The following ADAMTSL1 variants were observed in gnomAD, a reference collection of about 807,000 sequenced individuals.
ADAMTSL1 encodes ADAMTS-like protein 1.
A neutral mutation model predicts 201.8 loss-of-function variants in ADAMTSL1; 126 were observed. The ratio of observed to expected loss-of-function variants is 0.62; its 90% CI spans 0.54 to 0.72. ADAMTSL1 has a LOEUF of 0.72. Among genes scored for constraint, ADAMTSL1 ranks in the 30% least tolerant of loss-of-function variants. The pLI is 0.00. For missense variants in ADAMTSL1, 2,679 were observed against 2,277.8 expected, an observed-to-expected ratio of 1.18 and a Z score of -3.59; for synonymous variants, 1,121 against 903.4, an observed-to-expected ratio of 1.24 and a Z score of -4.32.
intron 1 of ADAMTSL1, among the ~76,000 whole-genome samples, chr9:18,114,805 C>T (rs1024653512): frequency 6.6e-6 from 1 of 152,140 alleles, no homozygotes; most frequent in African/African-American, 2.4e-5. Flanking sequence ...AAAAGCACGT[C>T]TAAAGACAGT....
At chr9:17,913,533 G>A (rs1825971849) in intron 1 of ADAMTSL1, among the ~76,000 whole-genome samples, 1 of 152,084 alleles carries the variant, frequency 6.6e-6, no homozygotes, top group African/African-American at 2.4e-5. Context: ...TGTGTAGAGG[G>A]AAATTTATAG....
At chr9:18,750,990 G>GATAA (rs1564202761) in intron 15 of ADAMTSL1, among the ~76,000 whole-genome samples, 1 of 152,150 alleles carries the variant, frequency 6.6e-6, no homozygotes. Context: ...CATCAAATTG[G>GATAA]AAGCATTATC....
chr9:18,597,932 A>G (rs1346953807), intron 4 of ADAMTSL1, among the ~76,000 whole-genome samples: 1 of 152,202 alleles, frequency 6.6e-6, no homozygotes, highest in Non-Finnish European at 1.5e-5. Flanking sequence ...TAAAATTAGT[A>G]TAATAAACCC....
At chr9:18,625,173 C>T (rs1003577510) in intron 5 of ADAMTSL1, among the ~76,000 whole-genome samples, 44 of 152,326 alleles carry the variant, frequency 2.9e-4, no homozygotes, top group East Asian at 3.9e-4. Flanking sequence ...CCCCTGTCTT[C>T]TGCCAAAAGG....
chr9:18,627,988 T>C (rs1564100541), intron 5 of ADAMTSL1, among the ~76,000 whole-genome samples: 2 of 152,334 alleles, frequency 1.3e-5, no homozygotes, highest in Non-Finnish European at 1.5e-5. Context: ...TTATATATAC[T>C]AGGTACAAGT....
intron 5 of ADAMTSL1, among the ~76,000 whole-genome samples, chr9:18,624,095 C>A (rs527536027): frequency 6.6e-6 from 1 of 152,214 alleles, no homozygotes; most frequent in African/African-American, 2.4e-5. Context: ...TGGGGACTTA[C>A]AAACACATGA....
intron 1 of ADAMTSL1, among the ~76,000 whole-genome samples, chr9:17,941,492 T>C (rs1037319662): frequency 2.0e-5 from 3 of 152,148 alleles, no homozygotes; most frequent in South Asian, 2.1e-4. Flanking sequence ...ATTTTCTTAG[T>C]TGATACAATC....
intron 1 of ADAMTSL1, among the ~76,000 whole-genome samples, chr9:18,042,829 A>C (rs1351730472): frequency 6.6e-6 from 1 of 152,282 alleles, no homozygotes; most frequent in South Asian, 2.1e-4. Context: ...ACTGATATGC[A>C]GTACAGAATG....
At chr9:18,042,594 T>C (rs1230333386) in intron 1 of ADAMTSL1, among the ~76,000 whole-genome samples, 3 of 152,134 alleles carry the variant, frequency 2.0e-5, no homozygotes, top group Non-Finnish European at 4.4e-5. Context: ...TGCCTCTGTT[T>C]AGTCAGGATC....
chr9:18,475,813 C>G (rs1821420676), intron 1 of ADAMTSL1, among the ~76,000 whole-genome samples: 1 of 151,938 alleles, frequency 6.6e-6, no homozygotes, highest in African/African-American at 2.4e-5. Flanking sequence ...TACCAGTATA[C>G]ATTACTTTTT....
intron 2 of ADAMTSL1, among the ~76,000 whole-genome samples, chr9:18,423,600 T>C (rs1181847937): frequency 6.6e-6 from 1 of 152,180 alleles, no homozygotes; most frequent in East Asian, 1.9e-4. Context: ...TACAATATTG[T>C]CCCTACTAGC....
intron 13 of ADAMTSL1, among the ~76,000 whole-genome samples, chr9:18,704,484 C>T (rs1025827978): frequency 7.2e-5 from 11 of 152,206 alleles, no homozygotes; most frequent in Non-Finnish European, 1.6e-4. Context: ...AAGTATTATT[C>T]ATCACACCAT....
chr9:18,254,178 C>T (rs944432403), intron 2 of ADAMTSL1, among the ~76,000 whole-genome samples: 5 of 151,962 alleles, frequency 3.3e-5, no homozygotes, highest in Non-Finnish European at 7.4e-5. Flanking sequence ...CTAATCACGT[C>T]CACCTCACTG....
At chr9:18,041,403 C>G (rs1406339191) in intron 1 of ADAMTSL1, among the ~76,000 whole-genome samples, 1 of 152,010 alleles carries the variant, frequency 6.6e-6, no homozygotes, top group Non-Finnish European at 1.5e-5. Flanking sequence ...GTCAATAAAG[C>G]AAATTCCAGT....
chr9:18,775,591 C>T (rs117241996), intron 17 of ADAMTSL1, among the ~76,000 whole-genome samples, 152 bp from the exon 18 acceptor site: 30 of 152,270 alleles, frequency 2.0e-4, no homozygotes, highest in Non-Finnish European at 4.4e-4. Flanking sequence ...GGCAGGTCTT[C>T]CACATTGTGA....
chr9:18,727,373 C>T (rs995036234), intron 15 of ADAMTSL1, among the ~76,000 whole-genome samples: 3 of 152,250 alleles, frequency 2.0e-5, no homozygotes, highest in East Asian at 1.9e-4. Flanking sequence ...CACCAGAGCT[C>T]ACTGGCATCC....
intron 2 of ADAMTSL1, among the ~76,000 whole-genome samples, chr9:18,392,332 G>C (rs933876724): frequency 1.3e-5 from 2 of 152,182 alleles, no homozygotes; most frequent in African/African-American, 2.4e-5. Flanking sequence ...GCACTCACTA[G>C]CCTAGCTTCA....
intron 2 of ADAMTSL1, among the ~76,000 whole-genome samples, chr9:18,419,123 A>G (rs1818824442): frequency 6.6e-6 from 1 of 152,042 alleles, no homozygotes; most frequent in South Asian, 2.1e-4. Context: ...TTTTTAAAAT[A>G]GAAATCTACA....
intron 23 of ADAMTSL1, among the ~76,000 whole-genome samples, chr9:18,856,771 T>G: frequency 6.6e-6 from 1 of 152,288 alleles, no homozygotes; most frequent in Non-Finnish European, 1.5e-5. Flanking sequence ...GAAGGATTTT[T>G]TTTTAATTTG....
Sources: allele counts gnomAD v4.1 joint callset (sites outside exome capture counted in the v4.1 genomes callset), GRCh38; gene constraint gnomAD v4.1.1; transcripts MANE v1.5; gene names NCBI Gene and HGNC (gene_info 2026-07-23, HGNC 2026-07-21).